SEM1: variants seen among roughly 807,000 people sequenced by gnomAD.
SEM1 encodes the protein SEM1 26S proteasome subunit, also known as 26S proteasome complex subunit SEM1.
Under a neutral mutation model 12.7 loss-of-function variants are expected in SEM1, and 3 were observed. The observed-to-expected ratio is 0.24, with a 90% CI of 0.11 to 0.61. The LOEUF is 0.61. Ranked by LOEUF, SEM1 falls within the 20% of genes least tolerant of loss-of-function variation. The probability of loss-of-function intolerance (pLI) is 0.88; values close to 1 mark genes in which losing one functional copy is unlikely to be tolerated. For missense variants in SEM1, 59 were observed against 81.3 expected, an observed-to-expected ratio of 0.73 and a Z score of 1.06; for synonymous variants, 30 against 27.8, an observed-to-expected ratio of 1.08 and a Z score of -0.25.
intron 2 of SEM1, among the ~76,000 whole-genome samples, chr7:96,680,124 T>C (rs1789563690): frequency 1.3e-5 from 2 of 152,092 alleles, no homozygotes; most frequent in African/African-American, 2.4e-5. Context: ...AGGATAACTC[T>C]AAGATATGTT....
At chr7:96,484,596 C>T (rs1242017740) in intron 3 of SEM1, among the ~76,000 whole-genome samples, 1 of 152,130 alleles carries the variant, frequency 6.6e-6, no homozygotes, top group Non-Finnish European at 1.5e-5. Flanking sequence ...AAAGTGTAAA[C>T]ACATCAGTGC....
chr7:96,622,434 A>G (rs1053483996), downstream of SEM1: 1 of 544,710 alleles, frequency 1.8e-6, no homozygotes, highest in Non-Finnish European at 3.3e-6. Flanking sequence ...ACAGTAGTCG[A>G]TTCAGGAGAA....
intron 2 of SEM1, among the ~76,000 whole-genome samples, chr7:96,563,399 A>C (rs966929981): frequency 6.6e-6 from 1 of 152,152 alleles, no homozygotes; most frequent in East Asian, 1.9e-4. Context: ...GAAAATGGTC[A>C]TGGCAAGTAT....
At chr7:96,617,192 T>C (rs1408738252) in intron 2 of SEM1, among the ~76,000 whole-genome samples, 1 of 152,184 alleles carries the variant, frequency 6.6e-6, no homozygotes, top group Non-Finnish European at 1.5e-5. Flanking sequence ...GGGGTGTTTT[T>C]TTCATTTGTT....
intron 3 of SEM1, among the ~76,000 whole-genome samples, chr7:96,501,535 A>G (rs984170105): frequency 2.6e-5 from 4 of 152,178 alleles, no homozygotes; most frequent in Non-Finnish European, 5.9e-5. Context: ...GATGATAAGT[A>G]CATGCCTTAA....
intron 2 of SEM1, among the ~76,000 whole-genome samples, chr7:96,531,795 C>T (rs1184089186): frequency 1.3e-5 from 2 of 151,982 alleles, no homozygotes; most frequent in Non-Finnish European, 2.9e-5. Context: ...CTAGACATTT[C>T]AGAATTTCTA....
intron 2 of SEM1, among the ~76,000 whole-genome samples, chr7:96,613,140 T>C (rs1323957401): frequency 6.6e-6 from 1 of 152,212 alleles, no homozygotes; most frequent in Non-Finnish European, 1.5e-5. Flanking sequence ...TTGGGGTTGT[T>C]AAATTCTGAT....
At chr7:96,613,351 T>C (rs1807602465) in intron 2 of SEM1, among the ~76,000 whole-genome samples, 1 of 152,248 alleles carries the variant, frequency 6.6e-6, no homozygotes, top group East Asian at 1.9e-4. Flanking sequence ...GTTTTCTTAT[T>C]ACATTAAAGA....
chr7:96,521,170 T>C (rs1804257171), intron 2 of SEM1, among the ~76,000 whole-genome samples: 1 of 152,126 alleles, frequency 6.6e-6, no homozygotes, highest in Non-Finnish European at 1.5e-5. Context: ...CAATCTCTTA[T>C]TGAATATCCC....
intron 2 of SEM1, among the ~76,000 whole-genome samples, chr7:96,600,810 C>T (rs886684772): frequency 8.5e-5 from 13 of 152,166 alleles, no homozygotes; most frequent in South Asian, 4.1e-4. Flanking sequence ...TCTCCCTCAG[C>T]CCTGTCTCCA....
intron 2 of SEM1, among the ~76,000 whole-genome samples, chr7:96,560,261 C>T (rs1453398424): frequency 6.6e-6 from 1 of 152,078 alleles, no homozygotes; most frequent in African/African-American, 2.4e-5. Context: ...ATTAATTGCT[C>T]CTTCTCAGAG....
chr7:96,630,731 A>C (rs192463153), intron 2 of SEM1, among the ~76,000 whole-genome samples: 6 of 152,152 alleles, frequency 3.9e-5, no homozygotes, highest in Admixed American at 6.5e-5. Context: ...CAGATTTGGG[A>C]ATAGGCTGAG....
intron 1 of SEM1, among the ~76,000 whole-genome samples, chr7:96,700,017 T>C (rs1048927422): frequency 1.2e-4 from 18 of 152,214 alleles, no homozygotes; most frequent in African/African-American, 4.3e-4. Context: ...CTTGGGTAAA[T>C]TAAATTTTTC....
chr7:96,675,508 TA>T (rs1789427838), intron 2 of SEM1, among the ~76,000 whole-genome samples: 1 of 152,266 alleles, frequency 6.6e-6, no homozygotes, highest in South Asian at 2.1e-4. Flanking sequence ...GCTAAGTATA[TA>T]ACAGACATTT....
intron 2 of SEM1, among the ~76,000 whole-genome samples, chr7:96,517,614 T>A (rs772729130): frequency 6.6e-6 from 1 of 152,146 alleles, no homozygotes; most frequent in Non-Finnish European, 1.5e-5. Flanking sequence ...ATTTTGAGAA[T>A]TGCCTATTTA....
chr7:96,650,587 A>G, intron 2 of SEM1: 1 of 707,610 alleles, frequency 1.4e-6, no homozygotes, highest in Non-Finnish European at 2.6e-6. Flanking sequence ...AACAACAACA[A>G]CACTGTAGGT....
At chr7:96,654,221 CCACCTTT>C (rs1168924287) in intron 2 of SEM1, among the ~76,000 whole-genome samples, 1 of 152,140 alleles carries the variant, frequency 6.6e-6, no homozygotes, top group Admixed American at 6.5e-5. Context: ...ACATAGGTCT[CCACCTTT>C]CACTTAATTC....
chr7:96,694,890 G>T lies in SEM1; in HGVS notation c.78C>A (p.Asp26Glu), dbSNP rs1440808586. The T allele has an allele frequency of 1.2e-6, 2 of 1,600,426 alleles. No homozygotes were observed. Among genetic ancestry groups the T allele is most frequent in the African/African-American group, 1.3e-5 (1 of 74,576 alleles). Residue 26 changes from aspartate (D) to glutamate (E), a missense_variant and splice_region_variant, in exon 2 of 3, where the codon GAC becomes GAA. Coordinates refer to ENST00000248566, the MANE Select transcript of SEM1 (RefSeq NM_006304.2). ...DDEFEEFPAE[D>E]WAGLDEDEDA... ...CTTCATCTTCATCTAAGCCAGCCCA[G>T]TCTAAAAATAGAAACAGATGCTGTC...
intron 2 of SEM1, among the ~76,000 whole-genome samples, chr7:96,555,693 A>G (rs1563058596): frequency 6.9e-6 from 1 of 144,348 alleles, no homozygotes; most frequent in Non-Finnish European, 1.5e-5. Context: ...AGTTCTGTAG[A>G]TGTCTATTAG....
Sources: allele counts gnomAD v4.1 joint callset (sites outside exome capture counted in the v4.1 genomes callset), GRCh38; gene constraint gnomAD v4.1.1; transcripts MANE v1.5; gene names NCBI Gene and HGNC (gene_info 2026-07-23, HGNC 2026-07-21).